ITGB8: variants seen among roughly 807,000 people sequenced by gnomAD.
ITGB8 encodes integrin beta-8.
A neutral mutation model predicts 89.5 loss-of-function variants in ITGB8; 30 were observed. The ratio of observed to expected loss-of-function variants is 0.34; its 90% CI spans 0.25 to 0.45. The LOEUF (loss-of-function observed/expected upper bound fraction) is 0.45, where lower values mean the gene tolerates loss of function less well. Ranked by LOEUF, ITGB8 falls within the 20% of genes least tolerant of loss-of-function variation. The pLI, the probability that ITGB8 is intolerant of heterozygous loss-of-function variation, is 1.00. For missense variants in ITGB8, 836 were observed against 933.3 expected, an observed-to-expected ratio of 0.90 and a Z score of 1.36; for synonymous variants, 335 against 320.4, an observed-to-expected ratio of 1.05 and a Z score of -0.49.
intron 1 of ITGB8, among the ~76,000 whole-genome samples, chr7:20,356,716 T>C (rs974710396): frequency 3.9e-5 from 6 of 152,206 alleles, no homozygotes; most frequent in Non-Finnish European, 8.8e-5. Flanking sequence ...TTGTAATTGT[T>C]CTTTTTGCCA....
intron 1 of ITGB8, among the ~76,000 whole-genome samples, chr7:20,357,849 CA>C (rs1406592474): frequency 6.6e-6 from 1 of 152,188 alleles, no homozygotes; most frequent in East Asian, 1.9e-4. Flanking sequence ...CACATGCTAA[CA>C]AATCCAGAAA....
chr7:20,381,989 A>G (rs1322075195), intron 6 of ITGB8, 104 bp downstream of exon 6: 1 of 916,704 alleles, frequency 1.1e-6, no homozygotes, highest in African/African-American at 1.7e-5. Flanking sequence ...CCTACAAAAG[A>G]AAGATACAGA....
chr7:20,409,400 G>T (rs988234820), intron 12 of ITGB8, among the ~76,000 whole-genome samples: 1 of 152,154 alleles, frequency 6.6e-6, no homozygotes, highest in African/African-American at 2.4e-5. Context: ...TCCCAAAGGA[G>T]GGTTTTCTAT....
At chr7:20,380,886 T>A in intron 5 of ITGB8, 55 bp downstream of exon 5, 1 of 1,433,144 alleles carries the variant, frequency 7.0e-7, no homozygotes, top group Non-Finnish European at 9.6e-7. Context: ...TTCAAAGAAT[T>A]TAGACGTTTT....
chr7:20,413,207 T>G lies in ITGB8; in HGVS notation c.*3210T>G, dbSNP rs905197302. On this transcript the variant is annotated 3_prime_UTR_variant, in exon 14 of 14. Transcript: ENST00000222573. ...AATTCACTAAAAATCTGATTATGTC[T>G]TAAATGTTCAGTTTATCTTTGGTTT... 2.6e-5 allele frequency: 4 copies of G among 152,386 alleles called. No homozygotes were observed. The highest frequency in any genetic ancestry group is 3.4e-3 in the Middle Eastern group (1 of 294). 9.4% of individuals were successfully genotyped at this position (152,386 alleles called of 1,614,324 possible).
chr7:20,400,862 T>C (rs1054897445), intron 9 of ITGB8, among the ~76,000 whole-genome samples: 1 of 152,188 alleles, frequency 6.6e-6, no homozygotes, highest in Non-Finnish European at 1.5e-5. Flanking sequence ...TTTCCTCCAC[T>C]GAAACCCTGT....
chr7:20,375,486 T>C (rs1166649977), intron 3 of ITGB8, among the ~76,000 whole-genome samples: 1 of 152,094 alleles, frequency 6.6e-6, no homozygotes, highest in African/African-American at 2.4e-5. Flanking sequence ...CAGAAAACTA[T>C]TGAAAAGAAT....
chr7:20,372,194 T>G (rs1420246960), intron 3 of ITGB8, among the ~76,000 whole-genome samples: 1 of 152,230 alleles, frequency 6.6e-6, no homozygotes, highest in Non-Finnish European at 1.5e-5. Context: ...AATTATAAGT[T>G]GCATTTTTTC....
In ITGB8 at chr7:20,414,978, C is replaced by G. The variant is rs976533310; in HGVS notation, c.*4981C>G. The G allele has an allele frequency of 1.9e-5, 2 of 102,596 alleles. No homozygotes were observed. The highest frequency in any genetic ancestry group is 7.4e-5 in the African/African-American group (2 of 27,158). The allele number at this position is 102,596 out of a possible 1,614,324, so 6.4% of individuals were successfully genotyped here. On this transcript the variant is annotated 3_prime_UTR_variant, in exon 14 of 14. Coordinates refer to ENST00000222573, the MANE Select transcript of ITGB8 (RefSeq NM_002214.3). ...CTACTTCAGTTAAAATTGTCTAATA[C>G]AGCAATATTTAAAAAAAAAACACTG...
At chr7:20,383,643 T>C (rs112731541) in intron 6 of ITGB8, among the ~76,000 whole-genome samples, 1,605 of 152,306 alleles carry the variant, frequency 0.011, 32 homozygotes, top group African/African-American at 0.037. Context: ...AAGGATACTA[T>C]TGCTCATCTA....
In ITGB8 at chr7:20,401,875, G is replaced by T; in HGVS notation, c.1436G>T (p.Gly479Val). The change falls in exon 10 of 14, where the codon GGA becomes GTA. Residue 479 changes from glycine (G) to valine (V), a missense_variant. Transcript: ENST00000222573. Reference protein sequence around the residue: ...CQCEDNRGPKGKCVDETFLDS... With the variant: ...CQCEDNRGPKVKCVDETFLDS... ...TGTGAGGACAACAGAGGACCTAAAG[G>T]AAAGTGTGTAGATGAAACTTTTCTA... The T allele has an allele frequency of 6.2e-7, 1 of 1,614,094 alleles. No individual in the cohort carries two copies. Among genetic ancestry groups the T allele is most frequent in the Non-Finnish European group, 8.5e-7 (1 of 1,180,006 alleles).
intron 3 of ITGB8, among the ~76,000 whole-genome samples, chr7:20,376,694 T>G (rs560288731): frequency 1.3e-5 from 2 of 152,204 alleles, no homozygotes; most frequent in South Asian, 4.1e-4. Context: ...CGATTTGGGG[T>G]CAGCCTAGCT....
At chr7:20,352,813 G>T (rs190388668) in intron 1 of ITGB8, 2 of 152,152 alleles carry the variant, frequency 1.3e-5, no homozygotes, top group African/African-American at 4.8e-5. Flanking sequence ...CAGTTTACAC[G>T]TCTTGCACCG....
chr7:20,386,243 A>ATCTT (rs1554309609), intron 6 of ITGB8, among the ~76,000 whole-genome samples: 5 of 144,850 alleles, frequency 3.5e-5, no homozygotes, highest in African/African-American at 1.3e-4. Context: ...CTATGAGAAC[A>ATCTT]TTTTTTTTTT....
At chr7:20,332,925 C>T (rs371365667) in intron 1 of ITGB8, among the ~76,000 whole-genome samples, 28 of 142,980 alleles carry the variant, frequency 2.0e-4, no homozygotes, top group Non-Finnish European at 2.9e-4. Context: ...GTCATACTTT[C>T]TTTTTTTTTT....
At chr7:20,330,056 AGGT>A (rs1378282911), upstream of ITGB8, among the ~76,000 whole-genome samples, 2 of 152,206 alleles carry the variant, frequency 1.3e-5, no homozygotes, top group Non-Finnish European at 2.9e-5. Context: ...TTTACTGGGA[AGGT>A]GACGCTTAAG....
At chr7:20,341,063 A>T (rs1283299085) in intron 1 of ITGB8, among the ~76,000 whole-genome samples, 1 of 152,186 alleles carries the variant, frequency 6.6e-6, no homozygotes, top group African/African-American at 2.4e-5. Flanking sequence ...CTTGCTGTAG[A>T]ACTGGCTGTT....
At chr7:20,336,558 A>G (rs540328673) in intron 1 of ITGB8, among the ~76,000 whole-genome samples, 2 of 152,350 alleles carry the variant, frequency 1.3e-5, no homozygotes, top group South Asian at 4.1e-4. Flanking sequence ...AATGTCACCT[A>G]TCTAGTAAGT....
At chr7:20,363,991 G>A (rs2127943944) in intron 2 of ITGB8, among the ~76,000 whole-genome samples, 1 of 152,280 alleles carries the variant, frequency 6.6e-6, no homozygotes, top group Admixed American at 6.5e-5. Context: ...GAGAGAATTG[G>A]CAACCACAGC....
Sources: gnomAD v4.1 joint callset for allele counts (sites outside exome capture counted in the v4.1 genomes callset) on GRCh38, gnomAD v4.1.1 for gene constraint, MANE v1.5 for transcripts, NCBI Gene and HGNC (gene_info 2026-07-23, HGNC 2026-07-21) for gene names.